TIMP2: variants seen among roughly 807,000 people sequenced by gnomAD.
TIMP2 encodes TIMP metallopeptidase inhibitor 2, also known as metalloproteinase inhibitor 2.
In TIMP2, 5 loss-of-function variants were observed where a neutral mutation model predicts 24.3. The ratio of observed to expected loss-of-function variants is 0.21; its 90% CI spans 0.11 to 0.43. The LOEUF is 0.43. Among genes scored for constraint, TIMP2 ranks in the 20% least tolerant of loss-of-function variants. The probability of loss-of-function intolerance (pLI) is 1.00; values close to 1 mark genes in which losing one functional copy is unlikely to be tolerated. For synonymous variants in TIMP2, 130 were observed against 123.2 expected (o/e 1.06, Z -0.37); for missense variants, 221 against 297.5 (o/e 0.74, Z 1.89).
intron 3 of TIMP2, among the ~76,000 whole-genome samples, chr17:78,867,049 T>A (rs2069623121): frequency 6.6e-6 from 1 of 152,126 alleles, no homozygotes; most frequent in African/African-American, 2.4e-5. Flanking sequence ...TCACCTGAAG[T>A]CAGGAGTTCA....
intron 1 of TIMP2, among the ~76,000 whole-genome samples, chr17:78,919,651 G>A (rs1399495036): frequency 2.6e-5 from 4 of 152,106 alleles, no homozygotes; most frequent in South Asian, 2.1e-4. Flanking sequence ...CGGCTAACAC[G>A]GTGAAACCCC....
At chr17:78,883,867 G>C (rs892290043) in intron 1 of TIMP2, among the ~76,000 whole-genome samples, 1 of 152,136 alleles carries the variant, frequency 6.6e-6, no homozygotes, top group Non-Finnish European at 1.5e-5. Context: ...GGAGGACCTC[G>C]GGGCCCACGT....
rs1050792460 is a variant in TIMP2 at position 78,892,098 on chromosome 17, G to A, written c.131-18179C>T. The A allele has an allele frequency of 5.2e-6, 8 of 1,551,744 alleles. No homozygotes were observed. The Admixed American group carries it at 7.8e-5, about 15-fold the overall frequency. On this transcript the variant is annotated intron_variant, in intron 1 of 4. Coordinates refer to ENST00000262768, the MANE Select transcript of TIMP2 (RefSeq NM_003255.5). ...CGTCCTCCTCCCCAGCCCAACAGAC[G>A]TGCTGACTGCAGCCTGTCCAGGCCA...
At chr17:78,867,405 G>A (rs567662199) in intron 3 of TIMP2, among the ~76,000 whole-genome samples, 1 of 152,180 alleles carries the variant, frequency 6.6e-6, no homozygotes, top group African/African-American at 2.4e-5. Context: ...CTGTGAGCAT[G>A]TTAAGGAAGG....
chr17:78,905,629 G>A (rs775466227), intron 1 of TIMP2, among the ~76,000 whole-genome samples: 12 of 152,244 alleles, frequency 7.9e-5, no homozygotes, highest in Non-Finnish European at 1.5e-4. Context: ...CGACTGCCAA[G>A]TGCTCGTCAG....
chr17:78,922,995 C>T lies in TIMP2; in HGVS notation c.130+1964G>A, dbSNP rs76610508. 1.5e-3 allele frequency among the ~76,000 whole-genome samples: 230 copies of T among 152,228 alleles called. No homozygotes were observed. In the East Asian group the frequency reaches 0.027, roughly 18 times the overall value. On this transcript the variant is annotated intron_variant, in intron 1 of 4. Transcript: ENST00000262768. ...GACACCTTTTCAGACTTCTGGCCTC[C>T]TGAGCTACAGAGAATCGATTCCTGT...
intron 3 of TIMP2, among the ~76,000 whole-genome samples, chr17:78,858,112 A>C (rs910993260): frequency 6.6e-6 from 1 of 151,630 alleles, no homozygotes; most frequent in South Asian, 2.1e-4. Flanking sequence ...GCCATAATGC[A>C]TGTTCACTGA....
At position 78,870,088 on chromosome 17, in the gene TIMP2, T is replaced by C. The variant is rs554040770; in HGVS notation, c.340+810A>G. Among the ~76,000 whole-genome samples the C allele has an allele frequency of 8.4e-4, 128 of 152,228 alleles. 2 individuals are homozygous for C. The highest frequency in any genetic ancestry group is 2.9e-3 in the African/African-American group (119 of 41,528). On this transcript the variant is annotated intron_variant, in intron 3 of 4. Coordinates refer to ENST00000262768, the MANE Select transcript of TIMP2 (RefSeq NM_003255.5). ...ACAGATGGTGGTGATGGTTGCACAA[T>C]AGCGAATGTATCTAATGCCACTGAA...
At position 78,857,650 on chromosome 17, in the gene TIMP2, C is replaced by A. The variant is rs753918073; in HGVS notation, c.341-4G>T. 45 of 1,613,872 alleles carry A rather than the reference C, an allele frequency of 2.8e-5. No homozygotes were observed. The highest frequency in any genetic ancestry group is 3.3e-5 in the Admixed American group (2 of 59,982). ...TTGCCGTCCCCCTCGGCCTTTCCTG[C>A]GGAGAGACGGGGATCACCGAGCTCA... On this transcript the variant is annotated splice_region_variant and splice_polypyrimidine_tract_variant and intron_variant, in intron 3 of 4. Coordinates refer to ENST00000262768, the MANE Select transcript of TIMP2 (RefSeq NM_003255.5).
intron 1 of TIMP2, among the ~76,000 whole-genome samples, chr17:78,915,161 T>C (rs529254333): frequency 6.6e-6 from 1 of 152,144 alleles, no homozygotes; most frequent in African/African-American, 2.4e-5. Context: ...CCTCCCAAAG[T>C]GCTGGGATTA....
chr17:78,870,994 G>A lies in TIMP2; in HGVS notation c.244C>T (p.Pro82Ser), dbSNP rs764543713. The A allele has an allele frequency of 1.2e-6, 2 of 1,612,230 alleles. No homozygotes were observed. The highest frequency in any genetic ancestry group is 3.3e-5 in the Admixed American group (2 of 59,850). Residue 82 changes from proline (P) to serine (S), a missense_variant, in exon 3 of 5, where the codon CCT becomes TCT. Pro to Ser is a moderately conservative substitution (Grantham distance 74). Transcript: ENST00000262768. ...TAGATAAACTCTATATCCTTCTCAGGCCCTTTGAACATCTGGAAAGACAAG... is the reference window on the plus strand; with the variant it reads ...TAGATAAACTCTATATCCTTCTCAGACCCTTTGAACATCTGGAAAGACAAG... ...EIKQIKMFKGPEKDIEFIYTA... is the reference protein window; with the variant it reads ...EIKQIKMFKGSEKDIEFIYTA...
chr17:78,901,906 T>C (rs1367541001), intron 1 of TIMP2: 1 of 632,620 alleles, frequency 1.6e-6, no homozygotes, highest in Admixed American at 2.7e-5. Flanking sequence ...GCTGACTTTG[T>C]AGGTAGTGAG....
chr17:78,894,663 T>G (rs1382317976), intron 1 of TIMP2, among the ~76,000 whole-genome samples: 2 of 152,188 alleles, frequency 1.3e-5, no homozygotes, highest in Non-Finnish European at 2.9e-5. Flanking sequence ...TAACTCACAA[T>G]GGATCATAGA....
chr17:78,924,438 C>T lies in TIMP2; in HGVS notation c.130+521G>A, dbSNP rs1001012549. Among the ~76,000 whole-genome samples the T allele has an allele frequency of 6.6e-6, 1 of 152,240 alleles. No individual in the cohort carries two copies. On this transcript the variant is annotated intron_variant, in intron 1 of 4. Coordinates refer to ENST00000262768, the MANE Select transcript of TIMP2 (RefSeq NM_003255.5). The surrounding 1 kb of genome is among the most constrained non-coding windows in gnomAD (Gnocchi z 5.3). ...CCTGTGGAACCTGCCTCGGGTAGGG[C>T]GGGCTTCCATCCCACCCTGGCTTGA...
At position 78,891,510 on chromosome 17, in the gene TIMP2, G is replaced by T. The variant is rs1271364587; in HGVS notation, c.131-17591C>A. 1.3e-6 allele frequency: 2 copies of T among 1,551,072 alleles called. No homozygotes were observed. Among genetic ancestry groups the T allele is most frequent in the Non-Finnish European group, 1.7e-6 (2 of 1,147,112 alleles). On this transcript the variant is annotated intron_variant, in intron 1 of 4. Coordinates refer to ENST00000262768, the MANE Select transcript of TIMP2 (RefSeq NM_003255.5). The surrounding 1 kb of genome is among the most constrained non-coding windows in gnomAD (Gnocchi z 4.5). ...TCTTTCTGCCACTTGTTCTTCTCCC[G>T]GAGCGTGCACTGAGATGCTGGGGAC...
intron 2 of TIMP2, 89 bp downstream of exon 2, chr17:78,873,730 C>A: frequency 1.9e-6 from 2 of 1,032,958 alleles, no homozygotes; most frequent in East Asian, 2.4e-5. Flanking sequence ...GTGGCCAGAT[C>A]GTGTTCCAGG....
Position 78,924,511 on chromosome 17 carries a change from G to A in TIMP2, c.130+448C>T, listed in dbSNP as rs530904695. ...TGGTGGGAGAAGCCCCAGCAGAGAA[G>A]CCCTTCCCCACCCAGCCCCAAGCCC... is the stretch of plus-strand genomic sequence containing the variant. On this transcript the variant is annotated intron_variant, in intron 1 of 4. Coordinates refer to ENST00000262768, the MANE Select transcript of TIMP2 (RefSeq NM_003255.5). This position sits in a 1 kb window ranked among gnomAD's most constrained non-coding sequence, Gnocchi z 5.3. Among the ~76,000 whole-genome samples, 3 of 152,294 alleles carry A rather than the reference G, an allele frequency of 2.0e-5. No homozygotes were observed. The South Asian group carries it at 6.2e-4, about 32-fold the overall frequency.
At chr17:78,868,361 A>G (rs11077400) in intron 3 of TIMP2, among the ~76,000 whole-genome samples, 43,813 of 151,636 alleles carry the variant, frequency 0.29, 7,469 homozygotes, top group African/African-American at 0.47. Context: ...AATGATTCTC[A>G]TGCCTCAGCC....
chr17:78,904,909 C>G (rs1487983062), intron 1 of TIMP2: 1 of 152,178 alleles, frequency 6.6e-6, no homozygotes, highest in East Asian at 1.9e-4. Flanking sequence ...TTTGGGAGGC[C>G]GAGGCAGGTG....
Sources: allele counts gnomAD v4.1 joint callset (sites outside exome capture counted in the v4.1 genomes callset), GRCh38; gene constraint gnomAD v4.1.1; non-coding constraint Gnocchi (gnomAD v3.1); transcripts MANE v1.5; gene names NCBI Gene and HGNC (gene_info 2026-07-23, HGNC 2026-07-21).